C8orf76: variants seen among roughly 807,000 people sequenced by gnomAD.
C8orf76 encodes the protein chromosome 8 open reading frame 76.
C8orf76 carries 46 observed loss-of-function variants against 38.1 expected under a neutral mutation model. The ratio of observed to expected loss-of-function variants is 1.21; its 90% CI spans 0.95 to 1.54. C8orf76 has a LOEUF of 1.54. C8orf76 is among the 40% of genes most tolerant of loss of function. The pLI, the probability that C8orf76 is intolerant of heterozygous loss-of-function variation, is 0.00. For missense variants in C8orf76, 461 were observed against 441.6 expected, an observed-to-expected ratio of 1.04 and a Z score of -0.39; for synonymous variants, 166 against 167.5, an observed-to-expected ratio of 0.99 and a Z score of 0.07.
chr8:123,230,626 C>T (rs938720302), intron 4 of C8orf76, among the ~76,000 whole-genome samples: 3 of 151,398 alleles, frequency 2.0e-5, no homozygotes, highest in Non-Finnish European at 2.9e-5. Context: ...ACTGGGACTA[C>T]AGGCACGCAC....
At chr8:123,226,227 A>G (rs913582146) in intron 5 of C8orf76, 2 of 1,299,670 alleles carry the variant, frequency 1.5e-6, no homozygotes, top group Non-Finnish European at 1.9e-6. Flanking sequence ...GCACTGAAAC[A>G]AACAATTATT....
At position 123,231,415 on chromosome 8, in the gene C8orf76, T is replaced by TA; in HGVS notation, c.699dup (p.Asn234Ter). The TA allele has an allele frequency of 1.9e-6, 3 of 1,614,244 alleles. No individual in the cohort carries two copies. The highest frequency in any genetic ancestry group is 2.5e-6 in the Non-Finnish European group (3 of 1,180,034). On this transcript the variant is annotated frameshift_variant, in exon 4 of 6. Coordinates refer to ENST00000276704, the MANE Select transcript of C8orf76 (RefSeq NM_032847.3). LOFTEE classifies it high-confidence loss of function. ...AGAGCTTTCTCATTTTTCTGGCTAT[T>TA]ACTGCTATTCGCTTCCACAGAAAAT... is the stretch of plus-strand genomic sequence containing the variant.
chr8:123,220,305 AGGAGG>A lies in C8orf76; in HGVS notation c.949-13_949-9del. On this transcript the variant is annotated splice_polypyrimidine_tract_variant and intron_variant, in intron 5 of 5. Transcript: ENST00000276704. Reference sequence around the variant, plus strand: ...GATATCTTCTCCCATAACCTATAACAGGAGGAAAAAAAAAAACTGTCCCAATAAAA... The same window carrying A: ...GATATCTTCTCCCATAACCTATAACAAAAAAAAAAAACTGTCCCAATAAAA... The A allele has an allele frequency of 6.5e-7, 1 of 1,528,528 alleles. No individual in the cohort carries two copies. Among genetic ancestry groups the A allele is most frequent in the African/African-American group, 1.4e-5 (1 of 71,102 alleles). 94.7% of individuals were successfully genotyped at this position (1,528,528 alleles called of 1,614,324 possible).
At chr8:123,239,001 A>G (rs1352343278) in intron 2 of C8orf76, 48 bp downstream of exon 2, 2 of 1,577,186 alleles carry the variant, frequency 1.3e-6, no homozygotes, top group Admixed American at 3.3e-5. Flanking sequence ...CATATGCCAT[A>G]ACTGATAAAA....
chr8:123,236,883 AGACCATCACCCTT>A, intron 3 of C8orf76: 1 of 923,246 alleles, frequency 1.1e-6, no homozygotes. Context: ...CTCACAGGCA[AGACCATCACCCTT>A]GAGATCGAGC....
In C8orf76 at chr8:123,237,900, T is replaced by C. The variant is rs763946975; in HGVS notation, c.255A>G (p.Ser85=). ...QEYSSISEKL[S]STNFAMKRDV... is the part of the protein sequence containing the mutation. Reference sequence around the variant, plus strand: ...CCCTTTTCATGGCAAAATTGGTTGATGACAATTTTTCAGAGATACTGGAAT... The same window carrying C: ...CCCTTTTCATGGCAAAATTGGTTGACGACAATTTTTCAGAGATACTGGAAT... Residue 85 remains serine (S), a synonymous_variant, in exon 3 of 6, where the codon TCA becomes TCG. Coordinates refer to ENST00000276704, the MANE Select transcript of C8orf76 (RefSeq NM_032847.3). 1.2e-6 allele frequency: 2 copies of C among 1,613,940 alleles called. No individual in the cohort carries two copies. The highest frequency in any genetic ancestry group is 2.2e-5 in the East Asian group (1 of 44,894).
intron 1 of C8orf76, chr8:123,239,757 G>A (rs996830153): frequency 6.6e-6 from 1 of 151,994 alleles, no homozygotes; most frequent in East Asian, 1.9e-4. Flanking sequence ...GGGAGGCCGA[G>A]GCGGGCAGAT....
chr8:123,226,584 C>T lies in C8orf76; in HGVS notation c.864G>A (p.Glu288=). ...TTTCCTGCTGAGTCCTTAAGTTCCTCTCCAAAGCAAACGATGTTTGCTGAG... is the reference window on the plus strand; with the variant it reads ...TTTCCTGCTGAGTCCTTAAGTTCCTTTCCAAAGCAAACGATGTTTGCTGAG... The part of the protein sequence containing the change: ...TQPQQTSFAL[E]RNLRTQQEIE... Residue 288 remains glutamate, a synonymous_variant, in exon 5 of 6, where the codon GAG becomes GAA. Transcript: ENST00000276704. The T allele has an allele frequency of 1.2e-6, 2 of 1,611,770 alleles. No individual in the cohort carries two copies. The highest frequency in any genetic ancestry group is 1.7e-4 in the Middle Eastern group (1 of 6,054).
intron 1 of C8orf76, 107 bp from the exon 2 acceptor site, chr8:123,239,251 C>A (rs1032985314): frequency 1.7e-6 from 2 of 1,209,026 alleles, no homozygotes; most frequent in South Asian, 1.3e-5. Context: ...AAAAAGACTT[C>A]TTCAAGAGTC....
intron 3 of C8orf76, among the ~76,000 whole-genome samples, chr8:123,232,883 A>T (rs1825324803): frequency 6.6e-6 from 1 of 152,212 alleles, no homozygotes. Flanking sequence ...GCCATCACAG[A>T]TGTTAAATCA....
intron 3 of C8orf76, chr8:123,237,140 C>T: frequency 1.2e-6 from 1 of 826,138 alleles, no homozygotes; most frequent in Non-Finnish European, 2.1e-6. Flanking sequence ...CTGTGCCCGC[C>T]TGCACCACCC....
chr8:123,225,993 A>C (rs1825031599), intron 5 of C8orf76, among the ~76,000 whole-genome samples: 1 of 152,116 alleles, frequency 6.6e-6, no homozygotes. Flanking sequence ...ATTTCTATGC[A>C]ACCATCAAAG....
chr8:123,231,767 A>T lies in C8orf76; in HGVS notation c.358-10T>A. 1 of 1,541,628 alleles carries T rather than the reference A, an allele frequency of 6.5e-7. No individual in the cohort carries two copies. Among genetic ancestry groups the T allele is most frequent in the Non-Finnish European group, 8.7e-7 (1 of 1,154,946 alleles). ...TGGTTGCTTTATTTTCCTAAGGAGAAAAAAAAAAGGTTAAGAAGTTTAAAC... is the reference window on the plus strand; with the variant it reads ...TGGTTGCTTTATTTTCCTAAGGAGATAAAAAAAAGGTTAAGAAGTTTAAAC... On this transcript the variant is annotated splice_polypyrimidine_tract_variant and intron_variant, in intron 3 of 5. Transcript: ENST00000276704.
chr8:123,221,878 C>G (rs1414585525), intron 5 of C8orf76, among the ~76,000 whole-genome samples: 1 of 152,138 alleles, frequency 6.6e-6, no homozygotes, highest in Non-Finnish European at 1.5e-5. Context: ...CACTGCACTT[C>G]AGCCTGGGAG....
intron 3 of C8orf76, among the ~76,000 whole-genome samples, chr8:123,234,438 C>G (rs570388792): frequency 3.9e-4 from 59 of 152,262 alleles, no homozygotes; most frequent in Admixed American, 4.6e-4. Flanking sequence ...AGTTCAAGAT[C>G]AGCCTGGCCA....
Position 123,241,341 on chromosome 8 carries a change from A to C in C8orf76, c.6T>G (p.Asp2Glu), listed in dbSNP as rs1166415381. ...CGCCGCCGAACAACCAGCACCCGGA[A>C]TCCATCTCGCGCCCGCGGCGGGGGC... is the stretch of plus-strand genomic sequence containing the variant. MDSGCWLFGGEF... is the reference protein window; with the variant it reads MESGCWLFGGEF... Residue 2 changes from aspartate (D) to glutamate (E), a missense_variant, in exon 1 of 6, where the codon GAT becomes GAG. Transcript: ENST00000276704. 8 of 1,558,732 alleles carry C rather than the reference A, an allele frequency of 5.1e-6. No individual in the cohort carries two copies. The highest frequency in any genetic ancestry group is 5.2e-6 in the Non-Finnish European group (6 of 1,160,126).
At chr8:123,237,609 A>C (rs1370343358) in intron 3 of C8orf76, among the ~76,000 whole-genome samples, 189 bp downstream of exon 3, 2 of 152,252 alleles carry the variant, frequency 1.3e-5, no homozygotes, top group African/African-American at 4.8e-5. Context: ...AAATATTACA[A>C]GAAAATGATT....
chr8:123,240,979 C>T (rs1280452596), intron 1 of C8orf76, among the ~76,000 whole-genome samples: 1 of 152,212 alleles, frequency 6.6e-6, no homozygotes, highest in East Asian at 1.9e-4. Context: ...CAGCCGGCAG[C>T]AGCCAGGCCG....
At chr8:123,233,421 G>A (rs554922410) in intron 3 of C8orf76, among the ~76,000 whole-genome samples, 5 of 149,282 alleles carry the variant, frequency 3.3e-5, no homozygotes, top group Non-Finnish European at 3.0e-5. Flanking sequence ...TTGAGATGGA[G>A]TCTCATTCTT....
Sources: gnomAD v4.1 joint callset for allele counts (sites outside exome capture counted in the v4.1 genomes callset) on GRCh38, gnomAD v4.1.1 for gene constraint, MANE v1.5 for transcripts, NCBI Gene and HGNC (gene_info 2026-07-23, HGNC 2026-07-21) for gene names.